Variants in VWA8 observed in about 807,000 individuals in gnomAD.
The protein encoded by VWA8 is von Willebrand factor A domain-containing protein 8.
A neutral mutation model predicts 241.5 loss-of-function variants in VWA8; 221 were observed. That is an observed-to-expected ratio of 0.91 (90% CI 0.82 to 1.02). VWA8 has a LOEUF of 1.02. Among genes scored for constraint, VWA8 ranks in the 50% least tolerant of loss-of-function variants. The pLI, the probability that VWA8 is intolerant of heterozygous loss-of-function variation, is 0.00. For missense variants in VWA8, 2,322 were observed against 2,328.7 expected (o/e 1.00, Z 0.06); for synonymous variants, 852 against 827.1 (o/e 1.03, Z -0.52).
At chr13:41,693,028 T>A in intron 29 of VWA8, 56 bp from the exon 30 acceptor site, 2 of 1,239,924 alleles carry the variant, frequency 1.6e-6, no homozygotes, top group Non-Finnish European at 2.2e-6. Context: ...TTTTTTTTTT[T>A]TAAAGCAGCA....
chr13:41,636,775 A>G (rs1389011642), intron 37 of VWA8, among the ~76,000 whole-genome samples: 1 of 152,270 alleles, frequency 6.6e-6, no homozygotes, highest in Non-Finnish European at 1.5e-5. Context: ...GACACTTTTC[A>G]GAAGAAGACA....
intron 2 of VWA8, among the ~76,000 whole-genome samples, chr13:41,912,787 A>T (rs1180889349): frequency 2.6e-5 from 4 of 152,182 alleles, no homozygotes; most frequent in Non-Finnish European, 1.5e-5. Context: ...TGAATAGAAG[A>T]CCACCCCATG....
At chr13:41,782,347 T>TTCTTTGTC (rs946513082) in intron 19 of VWA8, among the ~76,000 whole-genome samples, 2 of 152,198 alleles carry the variant, frequency 1.3e-5, no homozygotes, top group Non-Finnish European at 2.9e-5. Context: ...TTGTCTTTTG[T>TTCTTTGTC]TCTTTGTCTC....
At chr13:41,667,625 C>G (rs1268419732) in intron 37 of VWA8, among the ~76,000 whole-genome samples, 1 of 152,060 alleles carries the variant, frequency 6.6e-6, no homozygotes, top group South Asian at 2.1e-4. Context: ...CCTTTTTGCT[C>G]CCACAAAAAT....
chr13:41,831,124 T>C (rs1871434738), intron 13 of VWA8, among the ~76,000 whole-genome samples: 2 of 152,238 alleles, frequency 1.3e-5, no homozygotes, highest in Admixed American at 6.5e-5. Context: ...ACTCTGAAGG[T>C]GACCTAACCA....
At chr13:41,926,780 G>C (rs1180333340) in intron 2 of VWA8, 2 of 546,894 alleles carry the variant, frequency 3.7e-6, no homozygotes, top group Admixed American at 1.9e-5. Context: ...AGAAGAACTT[G>C]AGAAAGCCCT....
intron 37 of VWA8, among the ~76,000 whole-genome samples, chr13:41,658,129 G>A (rs1043606982): frequency 6.6e-6 from 1 of 152,100 alleles, no homozygotes; most frequent in African/African-American, 2.4e-5. Context: ...CTAGAACATG[G>A]TATTTTCATG....
chr13:41,707,655 C>G (rs559514446), intron 26 of VWA8, among the ~76,000 whole-genome samples: 2 of 152,254 alleles, frequency 1.3e-5, no homozygotes, highest in Middle Eastern at 3.4e-3. Context: ...CATGGAATAG[C>G]CCTGACTAAT....
intron 9 of VWA8, among the ~76,000 whole-genome samples, chr13:41,880,830 T>C (rs1407659037): frequency 5.3e-5 from 8 of 152,174 alleles, no homozygotes; most frequent in African/African-American, 9.7e-5. Flanking sequence ...AATACCACTT[T>C]CTTGTTTTGT....
At chr13:41,633,063 T>C (rs964975873) in intron 37 of VWA8, among the ~76,000 whole-genome samples, 3 of 152,304 alleles carry the variant, frequency 2.0e-5, no homozygotes, top group East Asian at 3.9e-4. Context: ...ATACAGAGTA[T>C]GAAACAGCAC....
intron 1 of VWA8, among the ~76,000 whole-genome samples, chr13:41,954,103 C>T (rs1878254689): frequency 1.3e-5 from 2 of 152,070 alleles, no homozygotes; most frequent in Non-Finnish European, 2.9e-5. Flanking sequence ...CATTGATGTT[C>T]TTGGCCATCT....
chr13:41,901,955 AAGG>A (rs1875472342), intron 4 of VWA8, among the ~76,000 whole-genome samples: 1 of 146,996 alleles, frequency 6.8e-6, no homozygotes, highest in African/African-American at 2.5e-5. Context: ...TGCAAATAGA[AAGG>A]AGTTCTTCTG....
chr13:41,743,956 C>T (rs1006620251), intron 21 of VWA8, among the ~76,000 whole-genome samples: 2 of 152,202 alleles, frequency 1.3e-5, no homozygotes, highest in African/African-American at 4.8e-5. Flanking sequence ...AAAGTTAAAC[C>T]TTTCTCTAGA....
intron 37 of VWA8, among the ~76,000 whole-genome samples, chr13:41,650,855 G>A (rs923236798): frequency 6.6e-5 from 10 of 152,180 alleles, no homozygotes; most frequent in African/African-American, 9.7e-5. Flanking sequence ...GGGAGACATT[G>A]GCATGCAGCC....
intron 43 of VWA8, 132 bp from the exon 44 acceptor site, chr13:41,570,838 G>T: frequency 1.4e-6 from 1 of 724,094 alleles, no homozygotes; most frequent in Non-Finnish European, 2.2e-6. Flanking sequence ...TTCTAAGTTA[G>T]TTCTATTTAA....
chr13:41,945,390 T>C (rs1877802889), intron 2 of VWA8, among the ~76,000 whole-genome samples: 1 of 150,798 alleles, frequency 6.6e-6, no homozygotes, highest in Non-Finnish European at 1.5e-5. Flanking sequence ...AATTAAGAAA[T>C]AGGAGAGTAT....
chr13:41,791,739 T>C (rs1004607425), intron 17 of VWA8, among the ~76,000 whole-genome samples: 3 of 152,016 alleles, frequency 2.0e-5, no homozygotes, highest in South Asian at 2.1e-4. Flanking sequence ...ATTTTGACTG[T>C]TGTAAATTAT....
chr13:41,708,764 T>C (rs1477976864), intron 26 of VWA8, among the ~76,000 whole-genome samples: 1 of 152,166 alleles, frequency 6.6e-6, no homozygotes, highest in African/African-American at 2.4e-5. Flanking sequence ...TGGCAGGCAC[T>C]TCTCAAATAT....
intron 2 of VWA8, among the ~76,000 whole-genome samples, chr13:41,935,536 TTTA>T (rs1266372729): frequency 1.3e-5 from 2 of 152,242 alleles, no homozygotes; most frequent in East Asian, 3.9e-4. Flanking sequence ...ACATGAGGTT[TTTA>T]TTAGCTATTT....
Sources: gnomAD v4.1 joint callset for allele counts (sites outside exome capture counted in the v4.1 genomes callset) on GRCh38, gnomAD v4.1.1 for gene constraint, MANE v1.5 for transcripts, NCBI Gene and HGNC (gene_info 2026-07-23, HGNC 2026-07-21) for gene names.